Variants in CREBL2 observed in about 807,000 individuals in gnomAD.
CREBL2 encodes cAMP-responsive element-binding protein-like 2.
In CREBL2, 4 loss-of-function variants were observed where a neutral mutation model predicts 19.5. The ratio of observed to expected loss-of-function variants is 0.20; its 90% CI spans 0.10 to 0.47. The LOEUF is 0.47. Among genes scored for constraint, CREBL2 ranks in the 20% least tolerant of loss-of-function variants. The pLI is 0.98. For missense variants in CREBL2, 85 were observed against 145.1 expected (o/e 0.59, Z 2.13); for synonymous variants, 42 against 46.6 (o/e 0.90, Z 0.40).
intron 1 of CREBL2, among the ~76,000 whole-genome samples, chr12:12,618,608 T>G (rs537779129): frequency 2.5e-4 from 38 of 152,240 alleles, no homozygotes; most frequent in African/African-American, 8.2e-4. Flanking sequence ...GCAGAGACGC[T>G]CCTCACTTCC....
rs1221228114 is a variant in CREBL2 at position 12,644,077 on chromosome 12, A to G, written c.*2079A>G. 3 of 152,658 alleles carry G rather than the reference A, an allele frequency of 2.0e-5. No individual in the cohort carries two copies. The highest frequency in any genetic ancestry group is 2.9e-5 in the Non-Finnish European group (2 of 68,042). The allele number at this position is 152,658 out of a possible 1,614,324, so 9.5% of individuals were successfully genotyped here. On this transcript the variant is annotated 3_prime_UTR_variant, in exon 4 of 4. Transcript: ENST00000228865. ...TTCTCTGGTTGTAATTCTAAATTAC[A>G]GAGTCATTTGAGCTTTCTCCCCTCC...
chr12:12,630,507 A>C (rs1352007115), intron 1 of CREBL2, among the ~76,000 whole-genome samples: 1 of 152,096 alleles, frequency 6.6e-6, no homozygotes, highest in African/African-American at 2.4e-5. Flanking sequence ...CCGTCTAGCT[A>C]AAGGTTGGTG....
chr12:12,621,993 T>G (rs188480641), intron 1 of CREBL2, among the ~76,000 whole-genome samples: 2 of 152,182 alleles, frequency 1.3e-5, no homozygotes, highest in African/African-American at 4.8e-5. Context: ...TGAAAGAACA[T>G]GGGTTTTAGC....
intron 1 of CREBL2, among the ~76,000 whole-genome samples, chr12:12,626,621 T>G (rs1945403627): frequency 6.6e-6 from 1 of 152,168 alleles, no homozygotes. Context: ...CATCCTGTGA[T>G]TCTTAGTATA....
chr12:12,620,457 C>G (rs966392782), intron 1 of CREBL2, among the ~76,000 whole-genome samples: 1 of 152,024 alleles, frequency 6.6e-6, no homozygotes, highest in Non-Finnish European at 1.5e-5. Context: ...TTCAGACTCC[C>G]AAGCTCAAGC....
rs527628900 is a variant in CREBL2 at position 12,617,712 on chromosome 12, C to G, written c.15+5525C>G. On this transcript the variant is annotated intron_variant, in intron 1 of 3. Transcript: ENST00000228865. ...TTATTGATCATTCTTGGGTGTTTCT[C>G]AGAGAGGGGGATTTGGCAGGGTCAC... is the stretch of plus-strand genomic sequence containing the variant. Among the ~76,000 whole-genome samples the G allele has an allele frequency of 2.1e-3, 212 of 101,594 alleles. 2 individuals carry two copies. Among genetic ancestry groups the G allele is most frequent in the African/African-American group, 7.8e-3 (207 of 26,656 alleles). The allele number at this position is 101,594 out of a possible 152,430, so 66.6% of individuals were successfully genotyped here.
Position 12,641,055 on chromosome 12 carries a change from A to G in CREBL2, c.359-939A>G, listed in dbSNP as rs368205592. Among the ~76,000 whole-genome samples, 4 of 151,532 alleles carry G rather than the reference A, an allele frequency of 2.6e-5. No homozygotes were observed. In the East Asian group the frequency reaches 7.7e-4, roughly 29 times the overall value. ...TGATCCATTTTGAATTAATTTTTCT[A>G]TATGGTATAAAGTGGGAGTCCATAT... On this transcript the variant is annotated intron_variant, in intron 3 of 3. Transcript: ENST00000228865.
At chr12:12,627,912 G>T (rs1341702174) in intron 1 of CREBL2, among the ~76,000 whole-genome samples, 1 of 152,094 alleles carries the variant, frequency 6.6e-6, no homozygotes, top group African/African-American at 2.4e-5. Flanking sequence ...TTGAGACGGA[G>T]TCTCACTTTG....
chr12:12,639,242 G>A (rs1945499688), intron 3 of CREBL2, among the ~76,000 whole-genome samples: 1 of 152,234 alleles, frequency 6.6e-6, no homozygotes, highest in Middle Eastern at 3.4e-3. Context: ...TAGATATTGT[G>A]AGTAGTACTG....
At chr12:12,635,624 C>T (rs932774383) in intron 1 of CREBL2, among the ~76,000 whole-genome samples, 153 bp from the exon 2 acceptor site, 1 of 151,880 alleles carries the variant, frequency 6.6e-6, no homozygotes, top group Non-Finnish European at 1.5e-5. Context: ...AGGGAAAGAC[C>T]CAGAAGGCAT....
intron 2 of CREBL2, 101 bp downstream of exon 2, chr12:12,636,075 A>G (rs1050693880): frequency 1.4e-5 from 15 of 1,087,778 alleles, no homozygotes; most frequent in Non-Finnish European, 1.8e-5. Context: ...CCAGTTGGCA[A>G]ACATTGGAGA....
At chr12:12,618,297 G>A (rs1052635843) in intron 1 of CREBL2, among the ~76,000 whole-genome samples, 4 of 150,978 alleles carry the variant, frequency 2.6e-5, no homozygotes, top group African/African-American at 9.8e-5. Context: ...GGGCGGAGGG[G>A]CTCCTCACTT....
chr12:12,626,158 T>C (rs1169661197), intron 1 of CREBL2, among the ~76,000 whole-genome samples: 2 of 152,094 alleles, frequency 1.3e-5, no homozygotes. Flanking sequence ...TAGGATTAAA[T>C]GTGGGTGCTG....
intron 3 of CREBL2, 62 bp downstream of exon 3, chr12:12,637,776 C>G: frequency 6.7e-7 from 1 of 1,499,800 alleles, no homozygotes; most frequent in Non-Finnish European, 9.0e-7. Flanking sequence ...CGCAGTGGCT[C>G]ATGACTGTAA....
chr12:12,635,516 C>T (rs2136306073), intron 1 of CREBL2, among the ~76,000 whole-genome samples: 1 of 151,854 alleles, frequency 6.6e-6, no homozygotes, highest in South Asian at 2.1e-4. Context: ...GTAAAGTTTA[C>T]TGGTGAGCTA....
intron 1 of CREBL2, among the ~76,000 whole-genome samples, chr12:12,623,099 CTTTT>C (rs5796501): frequency 8.5e-6 from 1 of 117,700 alleles, no homozygotes; most frequent in Admixed American, 8.5e-5. Flanking sequence ...GTAACAACTT[CTTTT>C]TTTTTTTTTT....
intron 1 of CREBL2, among the ~76,000 whole-genome samples, chr12:12,621,594 C>T (rs1206901673): frequency 6.6e-6 from 1 of 151,226 alleles, no homozygotes; most frequent in East Asian, 1.9e-4. Flanking sequence ...ATATATTAAC[C>T]CTGAGCTACA....
At chr12:12,634,108 T>G (rs1396510719) in intron 1 of CREBL2, among the ~76,000 whole-genome samples, 2 of 152,218 alleles carry the variant, frequency 1.3e-5, no homozygotes, top group African/African-American at 2.4e-5. Flanking sequence ...CTTATAAAAC[T>G]TATAAAAACA....
At chr12:12,618,812 C>CG (rs1945336488) in intron 1 of CREBL2, among the ~76,000 whole-genome samples, 2 of 152,236 alleles carry the variant, frequency 1.3e-5, no homozygotes, top group Non-Finnish European at 2.9e-5. Context: ...GCAGATCACT[C>CG]GCGGTCAGGA....
Sources: allele counts gnomAD v4.1 joint callset (sites outside exome capture counted in the v4.1 genomes callset), GRCh38; gene constraint gnomAD v4.1.1; transcripts MANE v1.5; gene names NCBI Gene and HGNC (gene_info 2026-07-23, HGNC 2026-07-21).